Variants in NKD1 observed in about 807,000 individuals in gnomAD.
NKD1 encodes protein naked cuticle homolog 1.
Under a neutral mutation model 56.0 loss-of-function variants are expected in NKD1, and 21 were observed. The observed-to-expected ratio is 0.38, with a 90% CI of 0.27 to 0.54. NKD1 has a LOEUF of 0.54. NKD1 is among the 20% of genes least tolerant of loss of function. The pLI is 0.82. For synonymous variants in NKD1, 263 were observed against 265.7 expected (o/e 0.99, Z 0.10); for missense variants, 578 against 642.7 (o/e 0.90, Z 1.09).
rs1461228849 is a variant in NKD1, at chr16:50,642,600, G to A, written c.*8819G>A. 6.6e-6 allele frequency: 1 copy of A among 152,250 alleles called. No individual in the cohort carries two copies. Among genetic ancestry groups the A allele is most frequent in the Non-Finnish European group, 1.5e-5 (1 of 68,072 alleles). The allele number at this position is 152,250 out of a possible 1,614,324, so 9.4% of individuals were successfully genotyped here. On this transcript the variant is annotated 3_prime_UTR_variant, in exon 10 of 10. Transcript: ENST00000268459. Reference sequence around the variant, plus strand: ...CTAATTGGGGTAACTACCTTACTGAGCTGTTATGAGTAAATGATCCAGTGG... The same window carrying A: ...CTAATTGGGGTAACTACCTTACTGAACTGTTATGAGTAAATGATCCAGTGG...
chr16:50,630,800 T>C (rs769278544), intron 7 of NKD1, 26 bp from the exon 8 acceptor site: 1 of 1,564,512 alleles, frequency 6.4e-7, no homozygotes, highest in Non-Finnish European at 8.7e-7. Context: ...ACCTGGTGTC[T>C]CCTGTGCTTC....
intron 5 of NKD1, among the ~76,000 whole-genome samples, chr16:50,624,709 T>C (rs1229851160): frequency 6.6e-6 from 1 of 152,156 alleles, no homozygotes; most frequent in African/African-American, 2.4e-5. Context: ...CTAGGAGCCA[T>C]GTAGCATGCG....
chr16:50,621,460 C>T (rs1410789743), intron 4 of NKD1, 142 bp from the exon 5 acceptor site: 1 of 591,678 alleles, frequency 1.7e-6, no homozygotes, highest in African/African-American at 1.9e-5. Flanking sequence ...GATGTTGACC[C>T]CAGCAAATGG....
chr16:50,609,360 G>T (rs536285506), intron 4 of NKD1, among the ~76,000 whole-genome samples: 1 of 152,364 alleles, frequency 6.6e-6, no homozygotes, highest in Non-Finnish European at 1.5e-5. Flanking sequence ...CTGAATGGGA[G>T]ATTTTAAATT....
Position 50,640,676 on chromosome 16 carries a change from A to G in NKD1, c.*6895A>G, listed in dbSNP as rs1244358224. ...GTTAATTTATGACATCCTCCTGCCTATGAGTCCTTGACTCTGGAGTTTTAC... is the reference window on the plus strand; with the variant it reads ...GTTAATTTATGACATCCTCCTGCCTGTGAGTCCTTGACTCTGGAGTTTTAC... On this transcript the variant is annotated 3_prime_UTR_variant, in exon 10 of 10. Transcript: ENST00000268459. 2.6e-5 allele frequency: 4 copies of G among 152,254 alleles called. No homozygotes were observed. Among genetic ancestry groups the G allele is most frequent in the Admixed American group, 6.5e-5 (1 of 15,280 alleles). The allele number at this position is 152,254 out of a possible 1,614,324, so 9.4% of individuals were successfully genotyped here.
intron 3 of NKD1, among the ~76,000 whole-genome samples, chr16:50,602,354 A>G (rs1377501859): frequency 6.6e-6 from 1 of 152,182 alleles, no homozygotes; most frequent in African/African-American, 2.4e-5. Flanking sequence ...AACTGTGAGC[A>G]TCATCTTGTC....
chr16:50,609,022 A>C (rs1389566137), intron 4 of NKD1, among the ~76,000 whole-genome samples: 1 of 152,208 alleles, frequency 6.6e-6, no homozygotes, highest in Non-Finnish European at 1.5e-5. Context: ...ATGGGGTCTT[A>C]CTATGTTGTC....
At chr16:50,604,406 G>A (rs1023180533) in intron 3 of NKD1, among the ~76,000 whole-genome samples, 2 of 152,318 alleles carry the variant, frequency 1.3e-5, no homozygotes, top group African/African-American at 2.4e-5. Context: ...GGGGTCTGGC[G>A]AGTCTCTCGG....
intron 3 of NKD1, among the ~76,000 whole-genome samples, chr16:50,596,378 T>C (rs1224544751): frequency 6.6e-6 from 1 of 152,202 alleles, no homozygotes; most frequent in Non-Finnish European, 1.5e-5. Context: ...TTTAGCATTT[T>C]TTTTTTCCTT....
At chr16:50,555,112 G>A (rs915303950) in intron 3 of NKD1, among the ~76,000 whole-genome samples, 3 of 152,140 alleles carry the variant, frequency 2.0e-5, no homozygotes, top group Admixed American at 6.5e-5. Flanking sequence ...AGGATGGGCC[G>A]CTGAGGCTGA....
chr16:50,617,082 G>T (rs1475201943), intron 4 of NKD1, among the ~76,000 whole-genome samples: 1 of 152,196 alleles, frequency 6.6e-6, no homozygotes, highest in Non-Finnish European at 1.5e-5. Context: ...CTTGGGCTGG[G>T]TGGGCTGTGC....
At chr16:50,573,880 G>A in intron 3 of NKD1, 1 of 985,398 alleles carries the variant, frequency 1.0e-6, no homozygotes, top group African/African-American at 1.7e-5. Flanking sequence ...GGGGGTGAGG[G>A]TGCTGAGCTG....
rs1026388696 is a variant in NKD1, at chr16:50,646,114, G to C, written c.*12333G>C. On this transcript the variant is annotated 3_prime_UTR_variant, in exon 10 of 10. Transcript: ENST00000268459. Reference sequence around the variant, plus strand: ...GCTTCTGTGGAGACAAGATGCTAACGGGGGCGGGGGAAGGGGGCCAGGGGG... The same window carrying C: ...GCTTCTGTGGAGACAAGATGCTAACCGGGGCGGGGGAAGGGGGCCAGGGGG... The C allele has an allele frequency of 6.6e-6, 1 of 151,716 alleles. No homozygotes were observed. The highest frequency in any genetic ancestry group is 2.4e-5 in the African/African-American group (1 of 41,266). 9.4% of individuals were successfully genotyped at this position (151,716 alleles called of 1,614,324 possible).
At chr16:50,583,739 TA>T (rs1159357934) in intron 3 of NKD1, among the ~76,000 whole-genome samples, 1 of 152,004 alleles carries the variant, frequency 6.6e-6, no homozygotes, top group Non-Finnish European at 1.5e-5. Flanking sequence ...TTTAAGTATA[TA>T]AAAGAGGAGA....
rs8049512 is a variant in NKD1, at chr16:50,644,001, T to C, written c.*10220T>C. 960 of 152,290 alleles carry C rather than the reference T, an allele frequency of 6.3e-3. 7 individuals carry two copies. The highest frequency in any genetic ancestry group is 0.022 in the African/African-American group (913 of 41,560). The allele number at this position is 152,290 out of a possible 1,614,324, so 9.4% of individuals were successfully genotyped here. A position where few individuals can be genotyped will look rare whatever the true frequency, so the allele number is the denominator to read the frequency against. On this transcript the variant is annotated 3_prime_UTR_variant, in exon 10 of 10. Coordinates refer to ENST00000268459, the MANE Select transcript of NKD1 (RefSeq NM_033119.5). ...GCACAAAGCATGATGCTAAACAGAC[T>C]GTGAGAAGGATGTTTGTGTATAGGA...
chr16:50,567,620 A>G (rs933954792), intron 3 of NKD1, among the ~76,000 whole-genome samples: 1 of 152,180 alleles, frequency 6.6e-6, no homozygotes. Flanking sequence ...AGGACAGGCC[A>G]CAGGTGACAG....
At chr16:50,622,830 C>T (rs1318643288) in intron 5 of NKD1, among the ~76,000 whole-genome samples, 1 of 150,616 alleles carries the variant, frequency 6.6e-6, no homozygotes, top group Non-Finnish European at 1.5e-5. Flanking sequence ...ACAGTGTGAC[C>T]AGGGGACAGT....
chr16:50,558,908 TCAAA>T (rs3037656), intron 3 of NKD1, among the ~76,000 whole-genome samples: 7,841 of 151,226 alleles, frequency 0.052, 248 homozygotes, highest in African/African-American at 0.081. Context: ...AAACTCTGTC[TCAAA>T]CAAACAAACA....
At chr16:50,559,606 G>A (rs961934873) in intron 3 of NKD1, among the ~76,000 whole-genome samples, 1 of 151,846 alleles carries the variant, frequency 6.6e-6, no homozygotes, top group African/African-American at 2.4e-5. Context: ...TGGGCTGGGT[G>A]GTACCACTGT....
Sources: gnomAD v4.1 joint callset for allele counts (sites outside exome capture counted in the v4.1 genomes callset) on GRCh38, gnomAD v4.1.1 for gene constraint, MANE v1.5 for transcripts, NCBI Gene and HGNC (gene_info 2026-07-23, HGNC 2026-07-21) for gene names.